Variants in ANXA8 observed in about 807,000 individuals in gnomAD.
The protein encoded by ANXA8 is annexin A8.
In ANXA8, 9 loss-of-function variants were observed where a neutral mutation model predicts 26.8. The ratio of observed to expected loss-of-function variants is 0.34; its 90% CI spans 0.20 to 0.59. The LOEUF (loss-of-function observed/expected upper bound fraction) is 0.59. Ranked by LOEUF, ANXA8 falls within the 20% of genes least tolerant of loss-of-function variation. The pLI, the probability that ANXA8 is intolerant of heterozygous loss-of-function variation, is 0.84. For missense variants in ANXA8, 83 were observed against 238.5 expected (o/e 0.35, Z 4.29); for synonymous variants, 39 against 94.8 (o/e 0.41, Z 3.42).
At chr10:47,981,856 C>T in the ANXA8 span, among the ~76,000 whole-genome samples, 1 of 151,884 alleles carries the variant, frequency 6.6e-6, no homozygotes, top group Non-Finnish European at 1.5e-5. Context: ...GTCAATGTTT[C>T]CCAAATTGGT....
At chr10:47,733,153 CTTTCTTTCTTTCTT>C in the ANXA8 span, among the ~76,000 whole-genome samples, 3 of 86,938 alleles carry the variant, frequency 3.5e-5, no homozygotes, top group African/African-American at 1.2e-4. Context: ...ATCTTTCTTT[CTTTCTTTCTTTCTT>C]TCTTTCTTTC....
chr10:47,896,846 G>GA, the ANXA8 span, among the ~76,000 whole-genome samples: 1 of 152,016 alleles, frequency 6.6e-6, no homozygotes, highest in African/African-American at 2.4e-5. Context: ...AAACAATTGT[G>GA]AAAAAAGTCA....
At chr10:47,539,037 ATTAACACCTTGCTGCCTTTTG>A in the ANXA8 span, 2,406 of 94,462 alleles carry the variant, frequency 0.025, 131 homozygotes, top group Middle Eastern at 0.058. Context: ...AGGTACACTT[ATTAACACCTTGCTGCCTTTTG>A]TGTAGCTTCC....
At chr10:47,474,765 C>A (rs1348312207) in intron 7 of ANXA8, among the ~76,000 whole-genome samples, 180 bp downstream of exon 7, 2 of 105,106 alleles carry the variant, frequency 1.9e-5, no homozygotes, top group Non-Finnish European at 3.9e-5. Flanking sequence ...AAGTCACACT[C>A]CTTCCTCCCG....
the ANXA8 span, among the ~76,000 whole-genome samples, chr10:47,958,186 G>A: frequency 6.7e-6 from 1 of 150,196 alleles, no homozygotes; most frequent in Non-Finnish European, 1.5e-5. Flanking sequence ...CACCTTAGAA[G>A]TGGCATCTCC....
At chr10:47,553,979 A>ATAG in the ANXA8 span, among the ~76,000 whole-genome samples, 31 of 149,198 alleles carry the variant, frequency 2.1e-4, 1 homozygote, top group South Asian at 2.1e-3. Context: ...GGTGCCCTAT[A>ATAG]GCCCTCTTTT....
At chr10:47,647,970 A>C in the ANXA8 span, among the ~76,000 whole-genome samples, 2 of 151,970 alleles carry the variant, frequency 1.3e-5, no homozygotes, top group Non-Finnish European at 2.9e-5. Context: ...TAAAGGGAAG[A>C]GACTGGAGTT....
chr10:47,673,362 C>A, the ANXA8 span, among the ~76,000 whole-genome samples: 317 of 151,644 alleles, frequency 2.1e-3, no homozygotes, highest in Non-Finnish European at 3.5e-3. Context: ...TGGAATGCTG[C>A]AGGCAGGGGA....
the ANXA8 span, among the ~76,000 whole-genome samples, chr10:47,507,874 C>T: frequency 9.9e-6 from 1 of 100,820 alleles, no homozygotes; most frequent in Non-Finnish European, 2.0e-5. Flanking sequence ...TGAAACCTTT[C>T]GTCCCATGCG....
chr10:47,488,491 G>A (rs1400534660), upstream of ANXA8, among the ~76,000 whole-genome samples: 9 of 150,884 alleles, frequency 6.0e-5, no homozygotes, highest in East Asian at 5.9e-4. Context: ...GATTACAGGC[G>A]TGAGCCACTG....
the ANXA8 span, among the ~76,000 whole-genome samples, chr10:47,688,052 G>C: frequency 6.6e-6 from 1 of 151,446 alleles, no homozygotes; most frequent in African/African-American, 2.4e-5. Flanking sequence ...AGTGAGCTGA[G>C]ATCGCGTCAT....
At chr10:47,581,381 T>C in the ANXA8 span, 45 of 417,740 alleles carry the variant, frequency 1.1e-4, no homozygotes, top group Non-Finnish European at 2.8e-5. Flanking sequence ...GTAAATAAAA[T>C]GTTAAGAAGC....
At chr10:47,744,409 GGT>G in the ANXA8 span, among the ~76,000 whole-genome samples, 1 of 65,200 alleles carries the variant, frequency 1.5e-5, no homozygotes, top group African/African-American at 5.1e-5. Context: ...GAAGGCTCCT[GGT>G]GGGGGGGGGG....
chr10:47,589,903 TGATAGATAGATAGATAGATA>T, the ANXA8 span, among the ~76,000 whole-genome samples: 7 of 125,664 alleles, frequency 5.6e-5, no homozygotes, highest in Non-Finnish European at 1.1e-4. Flanking sequence ...GATAGATAGA[TGATAGATAGATAGATAGATA>T]GATAGATAGA....
At chr10:47,967,983 C>A in the ANXA8 span, among the ~76,000 whole-genome samples, 3 of 146,692 alleles carry the variant, frequency 2.0e-5, no homozygotes, top group South Asian at 2.2e-4. Context: ...AAAAAAAAAA[C>A]CTATATTAAA....
the ANXA8 span, among the ~76,000 whole-genome samples, chr10:47,975,963 G>A: frequency 6.7e-6 from 1 of 149,708 alleles, no homozygotes; most frequent in East Asian, 1.9e-4. Context: ...TGAAATAAAG[G>A]AAGACTTGAA....
chr10:47,540,472 G>C, the ANXA8 span, among the ~76,000 whole-genome samples: 1 of 125,446 alleles, frequency 8.0e-6, no homozygotes, highest in Non-Finnish European at 1.7e-5. Context: ...TTGCTCAAAA[G>C]GGAAGTTAGG....
chr10:47,469,950 C>T (rs1331752540), intron 11 of ANXA8, among the ~76,000 whole-genome samples: 37 of 151,532 alleles, frequency 2.4e-4, no homozygotes, highest in Non-Finnish European at 2.9e-5. Flanking sequence ...GCAGTCCTAG[C>T]TCACGGCAGC....
chr10:47,603,515 C>CTT, the ANXA8 span, among the ~76,000 whole-genome samples: 3 of 133,854 alleles, frequency 2.2e-5, no homozygotes, highest in Admixed American at 7.2e-5. Context: ...AATGTTCTTA[C>CTT]TTTTTTTTTT....
Sources: allele counts gnomAD v4.1 joint callset (sites outside exome capture counted in the v4.1 genomes callset), GRCh38; gene constraint gnomAD v4.1.1; transcripts MANE v1.5; gene names NCBI Gene and HGNC (gene_info 2026-07-23, HGNC 2026-07-21).